EYS: variants seen among roughly 807,000 people sequenced by gnomAD.
The protein encoded by EYS is EGF-like photoreceptor maintenance factor, also known as protein eyes shut homolog.
In EYS, 250 loss-of-function variants were observed where a neutral mutation model predicts 282.1. The ratio of observed to expected loss-of-function variants is 0.89; its 90% CI spans 0.80 to 0.98. The LOEUF (loss-of-function observed/expected upper bound fraction) is 0.98. EYS is among the 50% of genes least tolerant of loss of function. The pLI is 0.00. For synonymous variants in EYS, 1,355 were observed against 1,282.9 expected (o/e 1.06, Z -1.20); for missense variants, 4,016 against 3,709.0 (o/e 1.08, Z -2.15).
chr6:64,239,911 C>A (rs1336138285), intron 30 of EYS, among the ~76,000 whole-genome samples: 1 of 152,010 alleles, frequency 6.6e-6, no homozygotes, highest in African/African-American at 2.4e-5. Flanking sequence ...GTCTTTAATC[C>A]ATCTTAACTT....
chr6:64,098,103 A>G (rs1381111357), intron 31 of EYS, among the ~76,000 whole-genome samples: 1 of 152,190 alleles, frequency 6.6e-6, no homozygotes, highest in Non-Finnish European at 1.5e-5. Context: ...ACACATTGGA[A>G]AACTATTTGG....
At chr6:65,645,410 TTAAA>T (rs1241590089) in intron 1 of EYS, among the ~76,000 whole-genome samples, 2 of 152,070 alleles carry the variant, frequency 1.3e-5, no homozygotes, top group African/African-American at 2.4e-5. Context: ...TACATGGAAA[TTAAA>T]TAAACTGTTC....
At chr6:65,538,535 C>A (rs986451521) in intron 2 of EYS, among the ~76,000 whole-genome samples, 1 of 152,070 alleles carries the variant, frequency 6.6e-6, no homozygotes, top group East Asian at 1.9e-4. Context: ...TCCAGGTTCA[C>A]CTTCCTAACA....
chr6:63,728,815 TG>T (rs1768707255), intron 41 of EYS, among the ~76,000 whole-genome samples: 1 of 152,166 alleles, frequency 6.6e-6, no homozygotes, highest in Non-Finnish European at 1.5e-5. Context: ...TCATACAGTT[TG>T]AACACAAGTT....
chr6:63,741,839 C>G (rs1198653273), intron 41 of EYS: 2 of 678,464 alleles, frequency 2.9e-6, no homozygotes, highest in East Asian at 2.7e-5. Flanking sequence ...TCATCTGACT[C>G]AAATTTAGAA....
chr6:65,430,082 A>AGTTT (rs1767824031), intron 5 of EYS, among the ~76,000 whole-genome samples: 1 of 152,140 alleles, frequency 6.6e-6, no homozygotes, highest in Admixed American at 6.5e-5. Flanking sequence ...CTTGTGTCTG[A>AGTTT]ACCAGGGGTT....
At chr6:64,668,095 A>G (rs1769296491) in intron 22 of EYS, among the ~76,000 whole-genome samples, 1 of 152,174 alleles carries the variant, frequency 6.6e-6, no homozygotes, top group Non-Finnish European at 1.5e-5. Context: ...GAAGTCACCT[A>G]TAGAATATTT....
intron 35 of EYS, among the ~76,000 whole-genome samples, chr6:63,897,093 C>T (rs1164638308): frequency 6.6e-6 from 1 of 152,164 alleles, no homozygotes; most frequent in Non-Finnish European, 1.5e-5. Flanking sequence ...TCTCTCCTTT[C>T]CTCCTCATCT....
chr6:64,431,067 G>T (rs763814402), intron 28 of EYS, among the ~76,000 whole-genome samples: 8 of 152,074 alleles, frequency 5.3e-5, no homozygotes, highest in Non-Finnish European at 1.2e-4. Context: ...AGGGCCATTT[G>T]CCAGGAGCAA....
intron 13 of EYS, among the ~76,000 whole-genome samples, chr6:65,004,628 C>A (rs965807830): frequency 6.8e-6 from 1 of 147,744 alleles, no homozygotes; most frequent in Admixed American, 6.7e-5. Context: ...ACTAGCTTTG[C>A]AAGGTCCAAA....
chr6:63,899,280 GT>G (rs996757594), intron 35 of EYS, among the ~76,000 whole-genome samples: 1 of 151,888 alleles, frequency 6.6e-6, no homozygotes, highest in Non-Finnish European at 1.5e-5. Flanking sequence ...TCTGTGGCTA[GT>G]TTTTTTTCTG....
chr6:65,603,074 C>G (rs1765666441), intron 2 of EYS, among the ~76,000 whole-genome samples: 1 of 151,912 alleles, frequency 6.6e-6, no homozygotes, highest in Non-Finnish European at 1.5e-5. Context: ...TCTAAATAAT[C>G]TTCTTTTCCA....
intron 41 of EYS, among the ~76,000 whole-genome samples, chr6:63,756,170 C>G (rs1769478038): frequency 6.6e-6 from 1 of 151,994 alleles, no homozygotes; most frequent in Non-Finnish European, 1.5e-5. Flanking sequence ...ATTATTTTAA[C>G]AGGAGTGGTG....
chr6:64,552,114 G>T (rs752720008), intron 26 of EYS, among the ~76,000 whole-genome samples: 3 of 152,048 alleles, frequency 2.0e-5, no homozygotes, highest in Non-Finnish European at 1.5e-5. Context: ...CCTAGTTCAG[G>T]CCATGATAGG....
chr6:65,442,395 A>C (rs1768366758), intron 5 of EYS, among the ~76,000 whole-genome samples: 1 of 152,030 alleles, frequency 6.6e-6, no homozygotes, highest in African/African-American at 2.4e-5. Flanking sequence ...AAATTTTATT[A>C]TTTATTTTAT....
intron 12 of EYS, among the ~76,000 whole-genome samples, chr6:65,194,580 G>T (rs1285717919): frequency 6.6e-6 from 1 of 151,932 alleles, no homozygotes; most frequent in Non-Finnish European, 1.5e-5. Context: ...CAGCAAAGTT[G>T]TGTCAGGACC....
At chr6:63,777,008 TG>T (rs1167150779) in intron 40 of EYS, among the ~76,000 whole-genome samples, 7 of 152,300 alleles carry the variant, frequency 4.6e-5, no homozygotes, top group Non-Finnish European at 1.0e-4. Flanking sequence ...AGAGAAGTAA[TG>T]ATAAAATTAT....
At chr6:64,131,118 TGGCCTCCCAAAGTGCTGGGATTACA>T (rs1773963674) in intron 31 of EYS, among the ~76,000 whole-genome samples, 1 of 151,786 alleles carries the variant, frequency 6.6e-6, no homozygotes, top group Non-Finnish European at 1.5e-5. Context: ...CTCCCCCCCT[TGGCCTCCCAAAGTGCTGGGATTACA>T]GGCATGAGCC....
At chr6:64,739,512 C>A (rs1772296482) in intron 22 of EYS, among the ~76,000 whole-genome samples, 1 of 152,104 alleles carries the variant, frequency 6.6e-6, no homozygotes, top group Admixed American at 6.5e-5. Flanking sequence ...CCAGAAAGAT[C>A]TGTTTAGGCA....
Sources: gnomAD v4.1 joint callset for allele counts (sites outside exome capture counted in the v4.1 genomes callset) on GRCh38, gnomAD v4.1.1 for gene constraint, MANE v1.5 for transcripts, NCBI Gene and HGNC (gene_info 2026-07-23, HGNC 2026-07-21) for gene names.